The following LRP6 variants were observed in gnomAD, a reference collection of about 807,000 sequenced individuals.
LRP6 encodes LDL receptor related protein 6.
Under a neutral mutation model 184.1 loss-of-function variants are expected in LRP6, and 43 were observed. The observed-to-expected ratio is 0.23, with a 90% confidence interval of 0.18 to 0.30. LRP6 has a LOEUF of 0.30. LRP6 is among the 10% of genes least tolerant of loss of function. The pLI is 1.00. For synonymous variants in LRP6, 719 were observed against 684.9 expected (o/e 1.05, Z -0.78); for missense variants, 1,571 against 2,005.3 (o/e 0.78, Z 4.14).
At chr12:12,232,130 T>TCCCAG (rs1864807019) in intron 2 of LRP6, among the ~76,000 whole-genome samples, 1 of 151,886 alleles carries the variant, frequency 6.6e-6, no homozygotes, top group Admixed American at 6.6e-5. Context: ...ACGACTGTAA[T>TCCCAG]CCCAGCACTT....
chr12:12,195,292 G>A (rs954800174), intron 3 of LRP6, among the ~76,000 whole-genome samples: 6 of 152,004 alleles, frequency 3.9e-5, no homozygotes, highest in Non-Finnish European at 7.4e-5. Flanking sequence ...CTCCATAGCG[G>A]CTGTACTAGT....
intron 15 of LRP6, among the ~76,000 whole-genome samples, chr12:12,143,993 T>C (rs1362250737): frequency 1.3e-5 from 2 of 152,186 alleles, no homozygotes; most frequent in South Asian, 2.1e-4. Context: ...CCCATGAAGA[T>C]TTCTTAAACA....
In LRP6 at chr12:12,244,647, A is replaced by AT; in HGVS notation, c.63_64insA (p.Leu22IlefsTer14). The AT allele has an allele frequency of 6.2e-7, 1 of 1,614,096 alleles. No individual in the cohort carries two copies. The highest frequency in any genetic ancestry group is 8.5e-7 in the Non-Finnish European group (1 of 1,180,028). ...TCCCGTCTGTTTGCATAAAGCAACA[A>AT]AGGGGCCGCTAGAACAAAAAAAGAA... On this transcript the variant is annotated frameshift_variant, in exon 2 of 23. Coordinates refer to ENST00000261349, the MANE Select transcript of LRP6 (RefSeq NM_002336.3). LOFTEE classifies it high-confidence loss of function.
At chr12:12,259,116 G>C (rs967385234) in intron 1 of LRP6, among the ~76,000 whole-genome samples, 1 of 152,056 alleles carries the variant, frequency 6.6e-6, no homozygotes, top group Non-Finnish European at 1.5e-5. Flanking sequence ...ACAAAAATTA[G>C]GTAGGCATGA....
At chr12:12,211,908 T>G (rs117048624) in intron 2 of LRP6, among the ~76,000 whole-genome samples, 4 of 152,308 alleles carry the variant, frequency 2.6e-5, no homozygotes, top group Admixed American at 6.5e-5. Context: ...TTTTCAAAAT[T>G]GCTGTTATAC....
intron 3 of LRP6, chr12:12,187,385 A>G (rs1369400572): frequency 2.1e-6 from 1 of 472,970 alleles, no homozygotes; most frequent in Non-Finnish European, 3.9e-6. Context: ...GATACCCGGC[A>G]GAGAGAGAGC....
In LRP6 at chr12:12,135,280, C is replaced by T. The variant is rs372538850; in HGVS notation, c.3628G>A (p.Asp1210Asn). 5.0e-6 allele frequency: 8 copies of T among 1,613,228 alleles called. No homozygotes were observed. In the African/African-American group the frequency reaches 1.1e-4, roughly 22 times the overall value. ...QEYRQHPCAQDNGGCSHICLV... is the reference protein window; with the variant it reads ...QEYRQHPCAQNNGGCSHICLV... ...CAAATATGTGAACAGCCACCATTAT[C>T]CTGAGCACAAGGGTGCTGTCCTGCA... is the stretch of plus-strand genomic sequence containing the variant. The change falls in exon 17 of 23, where the codon GAT (aspartate) becomes AAT (asparagine). Residue 1210 changes from aspartate (D) to asparagine (N), a missense_variant. Asp to Asn is a conservative substitution (Grantham distance 23). Around this residue, in one of 4 missense-constraint regions of LRP6, gnomAD observed 763 missense variants for 859.5 expected, o/e 0.89. Transcript: ENST00000261349.
intron 2 of LRP6, among the ~76,000 whole-genome samples, chr12:12,241,166 G>A (rs1042714115): frequency 3.3e-5 from 5 of 152,074 alleles, no homozygotes; most frequent in South Asian, 2.1e-4. Context: ...TTCCCTTTAC[G>A]TAAGTTGCTA....
chr12:12,239,417 A>C (rs1265293941), intron 2 of LRP6, among the ~76,000 whole-genome samples: 1 of 152,236 alleles, frequency 6.6e-6, no homozygotes, highest in Non-Finnish European at 1.5e-5. Context: ...AGGACAATGG[A>C]AACAGTACAA....
Position 12,119,869 on chromosome 12 carries a change from T to A in LRP6, c.*1257A>T, listed in dbSNP as rs760606023. 40 of 150,764 alleles carry A rather than the reference T, an allele frequency of 2.7e-4. No homozygotes were observed. Among genetic ancestry groups the A allele is most frequent in the Non-Finnish European group, 4.6e-4 (31 of 67,748 alleles). 9.3% of individuals were successfully genotyped at this position (150,764 alleles called of 1,614,324 possible). A position where few individuals can be genotyped will look rare whatever the true frequency, so the allele number is the denominator to read the frequency against. On this transcript the variant is annotated 3_prime_UTR_variant, in exon 23 of 23. Coordinates refer to ENST00000261349, the MANE Select transcript of LRP6 (RefSeq NM_002336.3). ...CTGAGAAAAACCGGTCTAAAGAACA[T>A]GAAAACATCACAAACTGTTAATATA...
At chr12:12,157,952 TA>T (rs1415001405) in intron 12 of LRP6, among the ~76,000 whole-genome samples, 1 of 152,176 alleles carries the variant, frequency 6.6e-6, no homozygotes, top group Non-Finnish European at 1.5e-5. Context: ...TGCCGGTATT[TA>T]AAAATCAGGA....
intron 7 of LRP6, among the ~76,000 whole-genome samples, chr12:12,173,028 A>T (rs898403689): frequency 1.3e-5 from 2 of 152,178 alleles, no homozygotes; most frequent in Non-Finnish European, 2.9e-5. Flanking sequence ...TTTTGCAAGG[A>T]ATCAGGCATT....
intron 2 of LRP6, among the ~76,000 whole-genome samples, chr12:12,205,329 C>CAAAAA (rs56169717): frequency 7.7e-4 from 30 of 39,098 alleles, no homozygotes; most frequent in Middle Eastern, 0.025. Context: ...CTCAAACAAA[C>CAAAAA]AAAAAAAAAA....
chr12:12,204,567 T>A (rs188890448), intron 2 of LRP6, among the ~76,000 whole-genome samples: 10,610 of 134,380 alleles, frequency 0.079, 439 homozygotes, highest in Admixed American at 0.1. Context: ...CTTTTCAAAA[T>A]AAAAAATGAG....
chr12:12,162,305 C>T lies in LRP6; in HGVS notation c.2167G>A (p.Asp723Asn). The T allele has an allele frequency of 6.2e-7, 1 of 1,614,218 alleles. No homozygotes were observed. Among genetic ancestry groups the T allele is most frequent in the Non-Finnish European group, 8.5e-7 (1 of 1,180,034 alleles). The change falls in exon 10 of 23, where the codon GAC (aspartate) becomes AAC (asparagine). Residue 723 changes from aspartate to asparagine, a missense_variant. Physicochemically the swap from Asp to Asn is conservative, Grantham distance 23. Coordinates refer to ENST00000261349, the MANE Select transcript of LRP6 (RefSeq NM_002336.3). ...DWLGKNLYWA[D>N]TGTNRIEVSK... ...ACCTCAATTCGATTCGTTCCTGTGT[C>T]TGCCCAGTACAAGTTCTTCCCAAGC...
At chr12:12,189,834 T>G (rs1591929473) in intron 3 of LRP6, among the ~76,000 whole-genome samples, 1 of 152,156 alleles carries the variant, frequency 6.6e-6, no homozygotes, top group Non-Finnish European at 1.5e-5. Context: ...TTTCTTTTCA[T>G]AGCCATTCTT....
chr12:12,157,336 T>C lies in LRP6; in HGVS notation c.2791+1493A>G, dbSNP rs376610858. The stretch of plus-strand genomic sequence containing the variant: ...AACCTCTCTTCAACACACACGCTGC[T>C]GCCACCACCATTGTCCAGGTCTACC... On this transcript the variant is annotated intron_variant, in intron 12 of 22. Coordinates refer to ENST00000261349, the MANE Select transcript of LRP6 (RefSeq NM_002336.3). 5.3e-5 allele frequency among the ~76,000 whole-genome samples: 8 copies of C among 152,068 alleles called. No homozygotes were observed. The East Asian group carries it at 1.2e-3, about 22-fold the overall frequency.
intron 1 of LRP6, among the ~76,000 whole-genome samples, chr12:12,255,384 C>T (rs953946263): frequency 2.0e-5 from 3 of 150,684 alleles, no homozygotes; most frequent in Admixed American, 6.6e-5. Context: ...CACATTCCCA[C>T]AAAGTTCCTG....
chr12:12,195,061 C>T (rs1863715657), intron 3 of LRP6, among the ~76,000 whole-genome samples: 1 of 152,040 alleles, frequency 6.6e-6, no homozygotes, highest in Non-Finnish European at 1.5e-5. Context: ...AAATGGTATT[C>T]CATTGTGTAT....
Sources: gnomAD v4.1 joint callset for allele counts (sites outside exome capture counted in the v4.1 genomes callset) on GRCh38, gnomAD v4.1.1 for gene constraint, gnomAD v4.1.1 regional missense constraint, MANE v1.5 for transcripts, NCBI Gene and HGNC (gene_info 2026-07-23, HGNC 2026-07-21) for gene names.